The following NEMP2 variants were observed in gnomAD, a reference collection of about 807,000 sequenced individuals.
NEMP2 encodes nuclear envelope integral membrane protein 2.
Under a neutral mutation model 54.2 loss-of-function variants are expected in NEMP2, and 53 were observed. The ratio of observed to expected loss-of-function variants is 0.98; its 90% confidence interval spans 0.78 to 1.23. The LOEUF (loss-of-function observed/expected upper bound fraction) is 1.23. Among genes scored for constraint, NEMP2 ranks in the 50% most tolerant of loss-of-function variants. The probability of loss-of-function intolerance (pLI) is 0.00; values close to 1 mark genes in which losing one functional copy is unlikely to be tolerated. For missense variants in NEMP2, 455 were observed against 511.3 expected (o/e 0.89, Z 1.06); for synonymous variants, 197 against 190.3 (o/e 1.04, Z -0.29).
chr2:190,625,223 C>A, the NEMP2 span: 1 of 152,102 alleles, frequency 6.6e-6, no homozygotes, highest in Non-Finnish European at 1.5e-5. Context: ...AGCTGATGAA[C>A]AGAGTGTGTT....
chr2:190,454,745 A>G, the NEMP2 span, among the ~76,000 whole-genome samples: 6 of 152,146 alleles, frequency 3.9e-5, no homozygotes, highest in Non-Finnish European at 7.3e-5. The surrounding 1 kb of genome is among the most constrained non-coding windows in gnomAD (Gnocchi z 4.6). Flanking sequence ...CGAGCAAATT[A>G]ATAATGTGTC....
At chr2:190,517,684 C>G in intron 4 of NEMP2, 71 bp from the exon 5 acceptor site, 1 of 1,038,556 alleles carries the variant, frequency 9.6e-7, no homozygotes, top group South Asian at 1.4e-5. Context: ...CATGTTTAAC[C>G]TGGCAACATC....
the NEMP2 span, among the ~76,000 whole-genome samples, chr2:190,428,603 G>C: frequency 1.3e-5 from 2 of 152,166 alleles, no homozygotes; most frequent in African/African-American, 4.8e-5. Context: ...ATGCTACAAT[G>C]TGCATCTCCT....
the NEMP2 span, among the ~76,000 whole-genome samples, chr2:190,539,928 T>C: frequency 1.3e-5 from 2 of 152,218 alleles, no homozygotes; most frequent in African/African-American, 4.8e-5. The surrounding 1 kb of genome is among the most constrained non-coding windows in gnomAD (Gnocchi z 4.1). Flanking sequence ...TCTTGCCTAA[T>C]TGCTCTTGCT....
At chr2:190,569,435 C>T in the NEMP2 span, among the ~76,000 whole-genome samples, 1 of 152,034 alleles carries the variant, frequency 6.6e-6, no homozygotes, top group South Asian at 2.1e-4. Flanking sequence ...GGAATTCAGG[C>T]ATGAGGACAT....
In NEMP2 at chr2:190,508,354, G is replaced by A. The variant is rs1690244641; in HGVS notation, c.*835C>T. ...CACCAACATTGTGAGGCCCATGGCT[G>A]TAGGGAGATGGCTCCTAAGCTTGCA... is the stretch of plus-strand genomic sequence containing the variant. On this transcript the variant is annotated 3_prime_UTR_variant, in exon 9 of 9. Transcript: ENST00000409150. The surrounding 1 kb of genome is among the most constrained non-coding windows in gnomAD (Gnocchi z 4.3). 1 of 152,230 alleles carries A rather than the reference G, an allele frequency of 6.6e-6. No individual in the cohort carries two copies. Among genetic ancestry groups the A allele is most frequent in the Non-Finnish European group, 1.5e-5 (1 of 68,042 alleles). The allele number at this position is 152,230 out of a possible 1,614,324, so 9.4% of individuals were successfully genotyped here. A position where few individuals can be genotyped will look rare whatever the true frequency, so the allele number is the denominator to read the frequency against.
At chr2:190,487,943 C>G in the NEMP2 span, among the ~76,000 whole-genome samples, 1 of 152,146 alleles carries the variant, frequency 6.6e-6, no homozygotes, top group African/African-American at 2.4e-5. This position sits in a 1 kb window ranked among gnomAD's most constrained non-coding sequence, Gnocchi z 5.5. Flanking sequence ...GCTCTGTTGC[C>G]AGGCTGGGGA....
the NEMP2 span, among the ~76,000 whole-genome samples, chr2:190,430,824 G>T: frequency 3.4e-5 from 5 of 148,638 alleles, no homozygotes; most frequent in South Asian, 1.1e-3. Context: ...TCCCGGACGG[G>T]GCGGCCGGCC....
the NEMP2 span, among the ~76,000 whole-genome samples, chr2:190,584,709 C>CA: frequency 7.9e-5 from 12 of 151,374 alleles, no homozygotes; most frequent in Non-Finnish European, 1.3e-4. The surrounding 1 kb of genome is among the most constrained non-coding windows in gnomAD (Gnocchi z 4.2). Flanking sequence ...CCTATCTTTG[C>CA]AAAAAAAATT....
At chr2:190,605,410 T>C in the NEMP2 span, among the ~76,000 whole-genome samples, 1 of 152,022 alleles carries the variant, frequency 6.6e-6, no homozygotes, top group Non-Finnish European at 1.5e-5. Flanking sequence ...TCGCTCGCTC[T>C]GTCACCTGGG....
chr2:190,447,076 T>G, the NEMP2 span, among the ~76,000 whole-genome samples: 1 of 147,986 alleles, frequency 6.8e-6, no homozygotes, highest in African/African-American at 2.4e-5. This position sits in a 1 kb window ranked among gnomAD's most constrained non-coding sequence, Gnocchi z 4.5. Context: ...CTCTCTCTGA[T>G]TCATAGGCTC....
At chr2:190,551,643 T>C in the NEMP2 span, among the ~76,000 whole-genome samples, 1 of 152,238 alleles carries the variant, frequency 6.6e-6, no homozygotes, top group Non-Finnish European at 1.5e-5. Flanking sequence ...TGTGAGCATG[T>C]CTTTCTTGTG....
the NEMP2 span, among the ~76,000 whole-genome samples, chr2:190,446,900 G>A: frequency 6.6e-6 from 1 of 152,292 alleles, no homozygotes; most frequent in African/African-American, 2.4e-5. Flanking sequence ...TCAGGGGTGA[G>A]GGACTTAGGG....
the NEMP2 span, among the ~76,000 whole-genome samples, chr2:190,545,966 A>G: frequency 6.6e-6 from 1 of 152,200 alleles, no homozygotes; most frequent in Non-Finnish European, 1.5e-5. Context: ...TGTCAAAGAA[A>G]ACGCAACCCA....
the NEMP2 span, among the ~76,000 whole-genome samples, chr2:190,613,278 G>T: frequency 6.6e-6 from 1 of 151,370 alleles, no homozygotes; most frequent in Non-Finnish European, 1.5e-5. Context: ...ACAAGATTAG[G>T]GTATTTTACT....
chr2:190,435,508 T>C, the NEMP2 span, among the ~76,000 whole-genome samples: 1 of 152,252 alleles, frequency 6.6e-6, no homozygotes, highest in Non-Finnish European at 1.5e-5. Context: ...CTCATTACAT[T>C]TGTGGTTGTG....
Position 190,510,475 on chromosome 2 carries a change from T to A in NEMP2, c.1016A>T (p.Tyr339Phe), listed in dbSNP as rs1690320739. The A allele has an allele frequency of 6.4e-7, 1 of 1,551,918 alleles. No individual in the cohort carries two copies. The highest frequency in any genetic ancestry group is 1.2e-5 in the South Asian group (1 of 84,058). ...LVVKYLTEDE[Y>F]REQADAETNS... ...CGTTTCAGCATCAGCTTGCTCCCTG[T>A]ACTCGTCTTCCGTAAGATATTTCAC... The change falls in exon 8 of 9, where the codon TAC becomes TTC. Residue 339 changes from tyrosine (Y) to phenylalanine (F), a missense_variant. By Grantham distance (22) the Tyr-to-Phe change is conservative. Transcript: ENST00000409150. The surrounding 1 kb of genome is among the most constrained non-coding windows in gnomAD (Gnocchi z 5.7).
chr2:190,639,807 C>A, the NEMP2 span, among the ~76,000 whole-genome samples: 31 of 152,044 alleles, frequency 2.0e-4, no homozygotes, highest in Non-Finnish European at 3.7e-4. Context: ...TGCCACCATG[C>A]CCAGCTAATT....
chr2:190,618,546 T>A, the NEMP2 span, among the ~76,000 whole-genome samples: 1 of 152,196 alleles, frequency 6.6e-6, no homozygotes, highest in Non-Finnish European at 1.5e-5. Flanking sequence ...GATGATATTA[T>A]CTTTGGACAA....
Sources: allele counts gnomAD v4.1 joint callset (sites outside exome capture counted in the v4.1 genomes callset), GRCh38; gene constraint gnomAD v4.1.1; non-coding constraint Gnocchi (gnomAD v3.1); transcripts MANE v1.5; gene names NCBI Gene and HGNC (gene_info 2026-07-23, HGNC 2026-07-21).